ADSS2: variants seen among roughly 807,000 people sequenced by gnomAD.
ADSS2 encodes adenylosuccinate synthetase isozyme 2.
In ADSS2, 30 loss-of-function variants were observed where a neutral mutation model predicts 60.0. That is an observed-to-expected ratio of 0.50 (90% CI 0.37 to 0.68). The LOEUF (loss-of-function observed/expected upper bound fraction) is 0.68. Among genes scored for constraint, ADSS2 ranks in the 30% least tolerant of loss-of-function variants. ADSS2 has a pLI of 0.00. For synonymous variants in ADSS2, 187 were observed against 193.1 expected, an observed-to-expected ratio of 0.97 and a Z score of 0.26; for missense variants, 373 against 554.8, an observed-to-expected ratio of 0.67 and a Z score of 3.29.
At chr1:244,435,930 T>C (rs1665089537) in intron 3 of ADSS2, among the ~76,000 whole-genome samples, 1 of 152,178 alleles carries the variant, frequency 6.6e-6, no homozygotes, top group African/African-American at 2.4e-5. Context: ...TATATTTCAT[T>C]TATTACCACA....
rs1419743634 is a variant in ADSS2 at position 244,451,525 on chromosome 1, C to T, written c.183+110G>A. On this transcript the variant is annotated intron_variant, in intron 1 of 12. Transcript: ENST00000366535. The surrounding 1 kb of genome is among the most constrained non-coding windows in gnomAD (Gnocchi z 6.6). ...AGGAGGAGAGAGCCTCAAGGTGACA[C>T]CTCATTTTGGCCAGTGGATCCGGGT... 3 of 1,169,054 alleles carry T rather than the reference C, an allele frequency of 2.6e-6. No homozygotes were observed. The highest frequency in any genetic ancestry group is 5.3e-5 in the Admixed American group (2 of 37,698). The allele number at this position is 1,169,054 out of a possible 1,614,324, so 72.4% of individuals were successfully genotyped here.
chr1:244,434,503 T>C (rs981612843), intron 3 of ADSS2, among the ~76,000 whole-genome samples: 1 of 152,250 alleles, frequency 6.6e-6, no homozygotes, highest in African/African-American at 2.4e-5. Context: ...GATTTATTTT[T>C]AAAATATATT....
intron 4 of ADSS2, 172 bp from the exon 5 acceptor site, chr1:244,424,559 A>G (rs1664753272): frequency 1.9e-6 from 1 of 529,646 alleles, no homozygotes; most frequent in East Asian, 3.0e-5. Context: ...TAGTACATTA[A>G]TATGAAAATG....
At chr1:244,423,923 T>C (rs771622158) in intron 6 of ADSS2, 30 bp downstream of exon 6, 8 of 1,560,048 alleles carry the variant, frequency 5.1e-6, no homozygotes, top group South Asian at 2.3e-5. Flanking sequence ...ATGCATTCAT[T>C]CCTTCCATTT....
In ADSS2 at chr1:244,451,350, G is replaced by A. The variant is rs1014168531; in HGVS notation, c.183+285C>T. Among the ~76,000 whole-genome samples the A allele has an allele frequency of 6.6e-6, 1 of 152,140 alleles. No individual in the cohort carries two copies. Among genetic ancestry groups the A allele is most frequent in the African/African-American group, 2.4e-5 (1 of 41,440 alleles). ...CGGCGCTGAGCACCACTCGCCAGACGCAAAACTGCAACTGCCAGGCATCGC... is the reference window on the plus strand; with the variant it reads ...CGGCGCTGAGCACCACTCGCCAGACACAAAACTGCAACTGCCAGGCATCGC... On this transcript the variant is annotated intron_variant, in intron 1 of 12. Transcript: ENST00000366535. The surrounding 1 kb of genome is among the most constrained non-coding windows in gnomAD (Gnocchi z 6.6).
Position 244,432,562 on chromosome 1 carries a change from GAT to G in ADSS2, c.387_388del (p.Ser130Ter). The G allele has an allele frequency of 6.4e-7, 1 of 1,566,414 alleles. No homozygotes were observed. ...CACCTTACCAATATGAGCTCTGTCAGATATAATAAGCCTTTTTTCCCAGCCTT... is the reference window on the plus strand; with the variant it reads ...CACCTTACCAATATGAGCTCTGTCAGATAATAAGCCTTTTTTCCCAGCCTT... On this transcript the variant is annotated frameshift_variant, in exon 4 of 13. Coordinates refer to ENST00000366535, the MANE Select transcript of ADSS2 (RefSeq NM_001126.5). LOFTEE classifies it high-confidence loss of function.
At chr1:244,441,733 G>C (rs1363421836) in intron 1 of ADSS2, among the ~76,000 whole-genome samples, 1 of 152,110 alleles carries the variant, frequency 6.6e-6, no homozygotes. Context: ...GAGGCGGGTA[G>C]GTCACAAGGT....
At chr1:244,452,004 G>T (rs575969038), upstream of ADSS2, 1 of 557,510 alleles carries the variant, frequency 1.8e-6, no homozygotes, top group Non-Finnish European at 2.9e-6. Context: ...CCCGCTCAAG[G>T]GGGTACCATG....
intron 10 of ADSS2, among the ~76,000 whole-genome samples, chr1:244,417,292 T>C (rs1365242253): frequency 6.6e-6 from 1 of 152,196 alleles, no homozygotes; most frequent in Non-Finnish European, 1.5e-5. Flanking sequence ...CGCGGATCAC[T>C]AGGTACATCG....
At chr1:244,433,972 TCCCCCCATTTAA>T (rs1233715884) in intron 3 of ADSS2, among the ~76,000 whole-genome samples, 2 of 151,638 alleles carry the variant, frequency 1.3e-5, no homozygotes, top group African/African-American at 4.8e-5. Flanking sequence ...GGTATATCTG[TCCCCCCATTTAA>T]CTGTGGAAGA....
At chr1:244,440,345 AT>A (rs1330356240) in intron 1 of ADSS2, among the ~76,000 whole-genome samples, 1 of 152,238 alleles carries the variant, frequency 6.6e-6, no homozygotes, top group East Asian at 1.9e-4. Flanking sequence ...GCTAAAAAAA[AT>A]CTTCAAAAAG....
chr1:244,416,488 T>C (rs1664536658), intron 10 of ADSS2, among the ~76,000 whole-genome samples: 1 of 151,940 alleles, frequency 6.6e-6, no homozygotes, highest in South Asian at 2.1e-4. Flanking sequence ...CAGCTAATTG[T>C]TTTGTATTTT....
intron 1 of ADSS2, 150 bp from the exon 2 acceptor site, chr1:244,437,918 A>G: frequency 1.6e-6 from 1 of 637,780 alleles, no homozygotes; most frequent in South Asian, 1.9e-5. Context: ...AAAAGGCTTT[A>G]AAATAGTTTG....
chr1:244,442,300 A>G (rs1665268594), intron 1 of ADSS2, among the ~76,000 whole-genome samples: 1 of 151,960 alleles, frequency 6.6e-6, no homozygotes, highest in African/African-American at 2.4e-5. Context: ...GTGATGGATG[A>G]CTTTAGGGGG....
intron 4 of ADSS2, among the ~76,000 whole-genome samples, chr1:244,428,416 G>A (rs763728994): frequency 9.2e-5 from 14 of 151,692 alleles, no homozygotes; most frequent in Non-Finnish European, 1.5e-4. Context: ...TAATATTTGC[G>A]GAATATCGCT....
chr1:244,424,488 A>C, intron 4 of ADSS2, 101 bp from the exon 5 acceptor site: 2 of 878,610 alleles, frequency 2.3e-6, no homozygotes, highest in Non-Finnish European at 3.6e-6. Context: ...CTTCAGCCTC[A>C]TTTCAGTATA....
chr1:244,444,803 G>C (rs111681534), intron 1 of ADSS2, among the ~76,000 whole-genome samples: 3 of 152,026 alleles, frequency 2.0e-5, no homozygotes, highest in Admixed American at 6.6e-5. Context: ...AAGCACTACA[G>C]GTCAATAGCA....
In ADSS2 at chr1:244,408,730, A is replaced by G. The variant is rs1664341059; in HGVS notation, c.*856T>C. 2.0e-5 allele frequency: 3 copies of G among 152,534 alleles called. No individual in the cohort carries two copies. The highest frequency in any genetic ancestry group is 2.0e-4 in the Admixed American group (3 of 15,280). The allele number at this position is 152,534 out of a possible 1,614,324, so 9.4% of individuals were successfully genotyped here. A position where few individuals can be genotyped will look rare whatever the true frequency, so the allele number is the denominator to read the frequency against. The stretch of plus-strand genomic sequence containing the variant: ...CACTTACAGATGATTCTGTAGGCAT[A>G]TCGGCAGGCACGATGTTGAAAACCA... On this transcript the variant is annotated 3_prime_UTR_variant, in exon 13 of 13. Coordinates refer to ENST00000366535, the MANE Select transcript of ADSS2 (RefSeq NM_001126.5).
chr1:244,432,505 A>G, intron 4 of ADSS2, 40 bp downstream of exon 4: 1 of 1,377,058 alleles, frequency 7.3e-7, no homozygotes, highest in Non-Finnish European at 1.0e-6. Context: ...AATTTCAGAT[A>G]AAAAGATAGT....
Sources: gnomAD v4.1 joint callset for allele counts (sites outside exome capture counted in the v4.1 genomes callset) on GRCh38, gnomAD v4.1.1 for gene constraint, Gnocchi (gnomAD v3.1) non-coding constraint, MANE v1.5 for transcripts, NCBI Gene and HGNC (gene_info 2026-07-23, HGNC 2026-07-21) for gene names.